The following NR6A1 variants were observed in gnomAD, a reference collection of about 807,000 sequenced individuals.
The protein encoded by NR6A1 is retinoic acid receptor-related testis-associated receptor.
NR6A1 carries 7 observed loss-of-function variants against 59.1 expected under a neutral mutation model. The observed-to-expected ratio is 0.12, with a 90% CI of 0.07 to 0.22. The LOEUF (loss-of-function observed/expected upper bound fraction) is 0.22, where lower values mean the gene tolerates loss of function less well. Among genes scored for constraint, NR6A1 ranks in the 10% least tolerant of loss-of-function variants. The probability of loss-of-function intolerance (pLI) is 1.00; values close to 1 mark genes in which losing one functional copy is unlikely to be tolerated. For synonymous variants in NR6A1, 243 were observed against 236.1 expected (o/e 1.03, Z -0.27); for missense variants, 468 against 611.6 (o/e 0.77, Z 2.48).
intron 2 of NR6A1, among the ~76,000 whole-genome samples, chr9:124,606,403 A>G (rs1437794798): frequency 1.3e-5 from 2 of 152,158 alleles, no homozygotes; most frequent in African/African-American, 4.8e-5. Flanking sequence ...TATTCCTGGA[A>G]TCTATCACAG....
chr9:124,730,096 A>G (rs563141976), intron 2 of NR6A1, among the ~76,000 whole-genome samples: 1 of 152,202 alleles, frequency 6.6e-6, no homozygotes, highest in Non-Finnish European at 1.5e-5. Flanking sequence ...TACAGGCGTG[A>G]GCCACCACGC....
intron 2 of NR6A1, among the ~76,000 whole-genome samples, chr9:124,687,419 T>A (rs1192644021): frequency 2.0e-5 from 3 of 151,966 alleles, no homozygotes; most frequent in African/African-American, 7.3e-5. Flanking sequence ...GCATTATACA[T>A]CAGCCACCAT....
At position 124,538,194 on chromosome 9, in the gene NR6A1, TG is replaced by T. The variant is rs756495244; in HGVS notation, c.721del (p.Gln241AsnfsTer13). The part of the protein sequence containing the change: ...SYSGHSPLLP[Q>X]QARSLDPQSY... ...CTGGGGATCCAGGCTGCGAGCTTGT[TG>T]GGGCAGAAGTGGTGAGTGGCCAGAA... is the stretch of plus-strand genomic sequence containing the variant. On this transcript the variant is annotated frameshift_variant, in exon 6 of 10. Coordinates refer to ENST00000487099, the MANE Select transcript of NR6A1 (RefSeq NM_033334.4). LOFTEE classifies it high-confidence loss of function. 1 of 1,614,170 alleles carries T rather than the reference TG, an allele frequency of 6.2e-7. No individual in the cohort carries two copies. Among genetic ancestry groups the T allele is most frequent in the Non-Finnish European group, 8.5e-7 (1 of 1,180,032 alleles).
chr9:124,730,720 A>G (rs1362933393), intron 2 of NR6A1, among the ~76,000 whole-genome samples: 1 of 149,818 alleles, frequency 6.7e-6, no homozygotes, highest in Non-Finnish European at 1.5e-5. Context: ...ACCCAGAAAG[A>G]AGAATTCAAC....
intron 2 of NR6A1, among the ~76,000 whole-genome samples, chr9:124,575,351 ACTGT>A (rs1352073297): frequency 6.6e-6 from 1 of 152,192 alleles, no homozygotes; most frequent in East Asian, 1.9e-4. Context: ...AGGCGGGCAG[ACTGT>A]CTGAGCTCAG....
At chr9:124,751,848 A>C (rs746976062) in intron 1 of NR6A1, among the ~76,000 whole-genome samples, 17 of 152,250 alleles carry the variant, frequency 1.1e-4, no homozygotes, top group Non-Finnish European at 2.9e-5. Flanking sequence ...GAAGAATTTT[A>C]AGGATGCTAT....
chr9:124,746,180 A>AC (rs1840328945), intron 1 of NR6A1, among the ~76,000 whole-genome samples: 1 of 152,186 alleles, frequency 6.6e-6, no homozygotes, highest in Non-Finnish European at 1.5e-5. Flanking sequence ...AAAGCTCAGT[A>AC]CTATCTCCCA....
chr9:124,689,869 A>C (rs1362241215), intron 2 of NR6A1, among the ~76,000 whole-genome samples: 2 of 152,180 alleles, frequency 1.3e-5, no homozygotes, highest in East Asian at 3.8e-4. Context: ...AGTTCACACC[A>C]ATCCACCAGG....
In NR6A1 at chr9:124,717,870, A is replaced by T. The variant is rs186113740; in HGVS notation, c.142+15438T>A. ...ACAAGAGTTGAGAATAACCTTGTAG[A>T]GCTGCCAGGAAGAGTAAATGAGATA... On this transcript the variant is annotated intron_variant, in intron 2 of 9. Transcript: ENST00000487099. Among the ~76,000 whole-genome samples the T allele has an allele frequency of 8.7e-4, 133 of 152,358 alleles. 1 individual carries two copies. The highest frequency in any genetic ancestry group is 6.8e-3 in the Middle Eastern group (2 of 294).
intron 2 of NR6A1, among the ~76,000 whole-genome samples, chr9:124,577,058 T>C (rs1250377521): frequency 3.2e-4 from 48 of 152,122 alleles, no homozygotes; most frequent in Admixed American, 3.1e-3. Context: ...CTCATCTCTA[T>C]TAAAAAACCA....
At chr9:124,720,006 A>T (rs1434584313) in intron 2 of NR6A1, among the ~76,000 whole-genome samples, 2 of 152,202 alleles carry the variant, frequency 1.3e-5, no homozygotes, top group Non-Finnish European at 2.9e-5. Flanking sequence ...ATTACAATTT[A>T]TCAAGAAAGC....
intron 2 of NR6A1, among the ~76,000 whole-genome samples, chr9:124,562,544 C>T (rs903188626): frequency 2.0e-5 from 3 of 152,140 alleles, no homozygotes; most frequent in Non-Finnish European, 4.4e-5. Context: ...GACCCTCACG[C>T]CTCGCCTCCC....
At chr9:124,712,705 T>C (rs1318635723) in intron 2 of NR6A1, among the ~76,000 whole-genome samples, 1 of 151,880 alleles carries the variant, frequency 6.6e-6, no homozygotes, top group Admixed American at 6.6e-5. Context: ...ATTAACAAAA[T>C]ATTACCAAGT....
intron 2 of NR6A1, among the ~76,000 whole-genome samples, chr9:124,625,556 AATG>A (rs1249811585): frequency 6.6e-6 from 1 of 152,130 alleles, no homozygotes; most frequent in East Asian, 1.9e-4. Flanking sequence ...AGAGGCATAA[AATG>A]ATGACCAATA....
At chr9:124,525,244 A>G (rs147179752) in intron 8 of NR6A1, among the ~76,000 whole-genome samples, 7 of 149,616 alleles carry the variant, frequency 4.7e-5, no homozygotes, top group Non-Finnish European at 1.0e-4. Flanking sequence ...GCTGGAACCA[A>G]TCAGAAACCT....
intron 2 of NR6A1, among the ~76,000 whole-genome samples, chr9:124,708,753 A>C (rs1839200829): frequency 6.6e-6 from 1 of 152,194 alleles, no homozygotes; most frequent in African/African-American, 2.4e-5. Flanking sequence ...ACTAGGGCAA[A>C]AGTACACAAT....
At chr9:124,698,936 T>C (rs1838850440) in intron 2 of NR6A1, among the ~76,000 whole-genome samples, 1 of 152,096 alleles carries the variant, frequency 6.6e-6, no homozygotes, top group South Asian at 2.1e-4. Flanking sequence ...TGCCCTTTTC[T>C]CTCCTCTTCC....
At chr9:124,585,134 T>G (rs1169749922) in intron 2 of NR6A1, among the ~76,000 whole-genome samples, 4 of 152,146 alleles carry the variant, frequency 2.6e-5, no homozygotes, top group Non-Finnish European at 5.9e-5. Flanking sequence ...AGGCCCTAAC[T>G]CTCTTCAATT....
At chr9:124,551,079 C>A (rs2131378044) in intron 3 of NR6A1, among the ~76,000 whole-genome samples, 1 of 152,146 alleles carries the variant, frequency 6.6e-6, no homozygotes, top group Admixed American at 6.5e-5. Flanking sequence ...AGCTTGCTGG[C>A]CCCTTAAGAT....
Sources: gnomAD v4.1 joint callset for allele counts (sites outside exome capture counted in the v4.1 genomes callset) on GRCh38, gnomAD v4.1.1 for gene constraint, MANE v1.5 for transcripts, NCBI Gene and HGNC (gene_info 2026-07-23, HGNC 2026-07-21) for gene names.